MFSD12: variants seen among roughly 807,000 people sequenced by gnomAD.
MFSD12 encodes the protein major facilitator superfamily domain containing 12.
In MFSD12, 67 loss-of-function variants were observed where a neutral mutation model predicts 51.2. The observed-to-expected ratio is 1.31, with a 90% CI of 1.08 to 1.60. MFSD12 has a LOEUF of 1.60. Among genes scored for constraint, MFSD12 ranks in the 40% most tolerant of loss-of-function variants. The pLI is 0.00. For synonymous variants in MFSD12, 441 were observed against 316.7 expected (o/e 1.39, Z -4.17); for missense variants, 921 against 673.0 (o/e 1.37, Z -4.08).
Position 3,544,852 on chromosome 19 carries a change from CAG to C in MFSD12, c.1375_1376del (p.Leu459ValfsTer4). 2 of 1,612,224 alleles carry C rather than the reference CAG, an allele frequency of 1.2e-6. No homozygotes were observed. Among genetic ancestry groups the C allele is most frequent in the Non-Finnish European group, 8.5e-7 (1 of 1,179,696 alleles). Reference sequence around the variant, plus strand: ...GCCACAGCAGGAGGCTACAGAGACACAGGGCAGCGGCCACGCCCACGCCGCCC... The same window carrying C: ...GCCACAGCAGGAGGCTACAGAGACACGGCAGCGGCCACGCCCACGCCGCCC... ...VTGGVGVAAALCLCSLLLWPT... is the reference protein window; with the variant it reads ...VTGGVGVAAAXCLCSLLLWPT... On this transcript the variant is annotated frameshift_variant, in exon 9 of 10. Coordinates refer to ENST00000355415, the MANE Select transcript of MFSD12 (RefSeq NM_174983.5). LOFTEE classifies it high-confidence loss of function.
chr19:3,548,689 G>A (rs937011365), intron 2 of MFSD12, among the ~76,000 whole-genome samples: 12 of 103,206 alleles, frequency 1.2e-4, no homozygotes, highest in Non-Finnish European at 2.2e-4. Flanking sequence ...AGAGTCCCCC[G>A]GGGGGCCTCA....
chr19:3,544,277 C>T lies in MFSD12; in HGVS notation c.*433G>A. On this transcript the variant is annotated 3_prime_UTR_variant, in exon 10 of 10. Coordinates refer to ENST00000355415, the MANE Select transcript of MFSD12 (RefSeq NM_174983.5). ...CCCTGCTGCCCACCACGGTGGGGTC[C>T]AGGCCCAGCCCACCACCCCGTGGCT... The T allele has an allele frequency of 7.7e-7, 1 of 1,302,346 alleles. No individual in the cohort carries two copies. The highest frequency in any genetic ancestry group is 9.7e-7 in the Non-Finnish European group (1 of 1,026,784). 80.7% of individuals were successfully genotyped at this position (1,302,346 alleles called of 1,614,324 possible). A position where few individuals can be genotyped will look rare whatever the true frequency, so the allele number is the denominator to read the frequency against.
chr19:3,550,224 G>A (rs1762620249), intron 2 of MFSD12, among the ~76,000 whole-genome samples: 1 of 152,054 alleles, frequency 6.6e-6, no homozygotes, highest in Non-Finnish European at 1.5e-5. Flanking sequence ...CAGCCATGCT[G>A]GACTCCTGAC....
At chr19:3,540,289 A>G (rs8105403), downstream of MFSD12, among the ~76,000 whole-genome samples, 50,780 of 147,664 alleles carry the variant, frequency 0.34, 14,002 homozygotes, top group African/African-American at 0.77. Flanking sequence ...ACGGAGTCTC[A>G]CTCTTGTCGC....
intron 4 of MFSD12, 64 bp from the exon 5 acceptor site, chr19:3,547,611 G>C (rs1410195011): frequency 6.9e-7 from 1 of 1,440,770 alleles, no homozygotes; most frequent in African/African-American, 1.4e-5. Flanking sequence ...CCCACCAGCA[G>C]GGGGCACCGG....
In MFSD12 at chr19:3,547,328, T is replaced by G; in HGVS notation, c.967A>C (p.Ser323Arg). 1 of 1,613,346 alleles carries G rather than the reference T, an allele frequency of 6.2e-7. No individual in the cohort carries two copies. The highest frequency in any genetic ancestry group is 8.5e-7 in the Non-Finnish European group (1 of 1,179,960). The part of the protein sequence containing the change: ...IATIPLVMYL[S>R]GFLSSFLMKP... ...ATGAGGAAGGAGGACAAGAAGCCGC[T>G]GAGGTACATCACCAGGGGAATGGTC... The change falls in exon 6 of 10, where the codon AGC (serine) becomes CGC (arginine). Residue 323 changes from serine (S) to arginine (R), a missense_variant. Physicochemically the swap from Ser to Arg is moderately radical, Grantham distance 110. Coordinates refer to ENST00000355415, the MANE Select transcript of MFSD12 (RefSeq NM_174983.5).
chr19:3,542,346 G>A (rs780439367), downstream of MFSD12: 11 of 985,298 alleles, frequency 1.1e-5, no homozygotes, highest in East Asian at 1.1e-4. Context: ...CGGGCTTTCC[G>A]TGCAGGGCAG....
At chr19:3,557,033 CAGAG>C in intron 1 of MFSD12, 69 bp downstream of exon 1, 2 of 1,216,130 alleles carry the variant, frequency 1.6e-6, no homozygotes, top group Non-Finnish European at 2.1e-6. Flanking sequence ...GGTGGTGAGT[CAGAG>C]GGAGGAGGCG....
At chr19:3,547,172 G>A (rs1028980420) in intron 6 of MFSD12, 100 bp downstream of exon 6, 17 of 1,056,608 alleles carry the variant, frequency 1.6e-5, no homozygotes, top group East Asian at 4.8e-5. Context: ...GGAACTCGGA[G>A]GCCTGAGAGC....
chr19:3,539,198 G>C, intron 4 of MFSD12: 1 of 1,550,474 alleles, frequency 6.4e-7, no homozygotes, highest in Non-Finnish European at 8.7e-7. Context: ...TCAGGCAAGA[G>C]GCTGCACGGC....
At position 3,551,476 on chromosome 19, in the gene MFSD12, C is replaced by T. The variant is rs1021534985; in HGVS notation, c.299-282G>A. 1.3e-5 allele frequency among the ~76,000 whole-genome samples: 2 copies of T among 152,110 alleles called. No homozygotes were observed. The highest frequency in any genetic ancestry group is 2.1e-4 in the South Asian group (1 of 4,832). ...GGAAACCTGCCCCCCACAGGTGCCC[C>T]GGTTACAGCCGCAGCCTCCCCCAGC... On this transcript the variant is annotated intron_variant, in intron 1 of 9. Coordinates refer to ENST00000355415, the MANE Select transcript of MFSD12 (RefSeq NM_174983.5). The surrounding 1 kb of genome is among the most constrained non-coding windows in gnomAD (Gnocchi z 4.6).
At chr19:3,548,606 G>A (rs543213398) in intron 2 of MFSD12, among the ~76,000 whole-genome samples, 10 of 152,172 alleles carry the variant, frequency 6.6e-5, no homozygotes, top group Non-Finnish European at 1.5e-4. Context: ...CCAGATGCTG[G>A]GCGGCTAAAG....
chr19:3,542,934 A>C, downstream of MFSD12: 1 of 1,468,092 alleles, frequency 6.8e-7, no homozygotes. Flanking sequence ...AGGAGTAGCC[A>C]GGGCCCTTGT....
chr19:3,543,480 GCC>G (rs34196068), downstream of MFSD12: 140 of 1,336,466 alleles, frequency 1.0e-4, no homozygotes, highest in African/African-American at 5.0e-4. Context: ...TCGGGTGAGT[GCC>G]CCCCCCCCCG....
chr19:3,544,090 C>G, downstream of MFSD12: 1 of 1,449,420 alleles, frequency 6.9e-7, no homozygotes, highest in Non-Finnish European at 9.2e-7. Flanking sequence ...ACCAGAGGCT[C>G]GGGACAGAGG....
At chr19:3,545,753 C>T (rs1259499934) in intron 8 of MFSD12, among the ~76,000 whole-genome samples, 2 of 152,232 alleles carry the variant, frequency 1.3e-5, no homozygotes, top group African/African-American at 2.4e-5. Flanking sequence ...ATGCTGTGGT[C>T]TAGAACCATC....
chr19:3,551,063 A>C lies in MFSD12; in HGVS notation c.430T>G (p.Ser144Ala). Residue 144 changes from serine (S) to alanine (A), a missense_variant, in exon 2 of 10, where the codon TCC becomes GCC. Ser to Ala is a moderately conservative substitution (Grantham distance 99). Transcript: ENST00000355415. This position sits in a 1 kb window ranked among gnomAD's most constrained non-coding sequence, Gnocchi z 4.6. Reference protein sequence around the residue: ...FIVIFQFGWASTQISHLSLIP... With the variant: ...FIVIFQFGWAATQISHLSLIP... Reference sequence around the variant, plus strand: ...AGGCTGAGGTGGGAGATCTGTGTGGAGGCCCAGCCAAACTGGAAGATCACG... The same window carrying C: ...AGGCTGAGGTGGGAGATCTGTGTGGCGGCCCAGCCAAACTGGAAGATCACG... 6.2e-7 allele frequency: 1 copy of C among 1,612,960 alleles called. No individual in the cohort carries two copies. Among genetic ancestry groups the C allele is most frequent in the Non-Finnish European group, 8.5e-7 (1 of 1,179,978 alleles).
At position 3,547,966 on chromosome 19, in the gene MFSD12, C is replaced by T. The variant is rs370248268; in HGVS notation, c.719G>A (p.Arg240Gln). 2.3e-5 allele frequency: 37 copies of T among 1,597,570 alleles called. No homozygotes were observed. The highest frequency in any genetic ancestry group is 2.9e-5 in the Non-Finnish European group (34 of 1,178,624). Residue 240 changes from arginine to glutamine, a missense_variant, in exon 4 of 10, where the codon CGG becomes CAG. Physicochemically the swap from Arg to Gln is conservative, Grantham distance 43 (BLOSUM62 1). Transcript: ENST00000355415. ...VFSLLFHLGT[R>Q]ERRRPHAEEP... ...CTCCGCATGCGGCCGGCGCCTCTCC[C>T]GGGTGCCCAGGTGGAATAGCAGTGA...
At chr19:3,538,891 G>T (rs999451913) in intron 4 of MFSD12, 9 of 644,492 alleles carry the variant, frequency 1.4e-5, no homozygotes, top group Non-Finnish European at 2.1e-5. Flanking sequence ...CCCCTCAAGG[G>T]GGTGTGGAGA....
Sources: allele counts gnomAD v4.1 joint callset (sites outside exome capture counted in the v4.1 genomes callset), GRCh38; gene constraint gnomAD v4.1.1; non-coding constraint Gnocchi (gnomAD v3.1); transcripts MANE v1.5; gene names NCBI Gene and HGNC (gene_info 2026-07-23, HGNC 2026-07-21).